Variants in GGNBP2 observed in about 807,000 individuals in gnomAD.
GGNBP2 encodes gametogenetin-binding protein 2.
GGNBP2 carries 10 observed loss-of-function variants against 85.9 expected under a neutral mutation model. The observed-to-expected ratio is 0.12, with a 90% CI of 0.07 to 0.20. The LOEUF is 0.20. Among genes scored for constraint, GGNBP2 ranks in the 10% least tolerant of loss-of-function variants. GGNBP2 has a pLI of 1.00. For missense variants in GGNBP2, 595 were observed against 857.8 expected, an observed-to-expected ratio of 0.69 and a Z score of 3.83; for synonymous variants, 287 against 285.7, an observed-to-expected ratio of 1.00 and a Z score of -0.05.
chr17:36,586,344 G>A (rs775008851), intron 12 of GGNBP2, 146 bp downstream of exon 12: 42 of 937,538 alleles, frequency 4.5e-5, no homozygotes, highest in Non-Finnish European at 5.1e-5. Flanking sequence ...GGTGCTCATC[G>A]TGTGAGAGTG....
intron 2 of GGNBP2, chr17:36,546,063 T>C: frequency 2.1e-6 from 1 of 482,836 alleles, no homozygotes; most frequent in South Asian, 3.7e-5. Context: ...TGGAACCTTA[T>C]TCCTTGACCC....
chr17:36,574,184 T>C (rs2142755248), intron 6 of GGNBP2, among the ~76,000 whole-genome samples: 1 of 152,274 alleles, frequency 6.6e-6, no homozygotes, highest in South Asian at 2.1e-4. Flanking sequence ...AGTGGGCCCG[T>C]AAGATTATAA....
At chr17:36,589,137 A>T in intron 13 of GGNBP2, 71 bp from the exon 14 acceptor site, 2 of 1,065,594 alleles carry the variant, frequency 1.9e-6, no homozygotes, top group Non-Finnish European at 2.8e-6. Context: ...TTTAATTTTT[A>T]GCTGTCCTCC....
intron 3 of GGNBP2, 59 bp from the exon 4 acceptor site, chr17:36,557,024 G>A (rs1180666588): frequency 4.4e-5 from 71 of 1,599,082 alleles, no homozygotes; most frequent in Middle Eastern, 3.3e-4. Context: ...CAGTAGTAGT[G>A]AAAGTGTAAT....
At chr17:36,547,259 T>C (rs1261979534) in intron 2 of GGNBP2, 1 of 152,218 alleles carries the variant, frequency 6.6e-6, no homozygotes, top group African/African-American at 2.4e-5. Context: ...CATTTGTTGA[T>C]ATTTTCTTTC....
chr17:36,560,165 C>G (rs1414412579), intron 4 of GGNBP2, among the ~76,000 whole-genome samples: 1 of 151,960 alleles, frequency 6.6e-6, no homozygotes, highest in Non-Finnish European at 1.5e-5. Context: ...GCTATGTTAC[C>G]CAGGCTGGCT....
intron 2 of GGNBP2, among the ~76,000 whole-genome samples, chr17:36,551,393 A>G (rs1042925126): frequency 6.6e-6 from 1 of 151,844 alleles, no homozygotes; most frequent in Non-Finnish European, 1.5e-5. Flanking sequence ...TAGTACAGAC[A>G]GGGTTTCTCC....
intron 5 of GGNBP2, among the ~76,000 whole-genome samples, chr17:36,562,751 G>A (rs1030579385): frequency 2.6e-5 from 4 of 151,006 alleles, no homozygotes; most frequent in Admixed American, 2.6e-4. Context: ...CAGATCACAA[G>A]GTCAGGAGTT....
chr17:36,575,048 A>G lies in GGNBP2; in HGVS notation c.642-2935A>G, dbSNP rs1555607475. 4 of 1,353,856 alleles carry G rather than the reference A, an allele frequency of 3.0e-6. No individual in the cohort carries two copies. In the East Asian group the frequency reaches 9.5e-5, roughly 32 times the overall value. The allele number at this position is 1,353,856 out of a possible 1,614,324, so 83.9% of individuals were successfully genotyped here. A position where few individuals can be genotyped will look rare whatever the true frequency, so the allele number is the denominator to read the frequency against. ...AACCTCGTCCTTGAGAGAGGCCCCCAGGAAAAAGTTAGTGATCTCAGATTC... is the reference window on the plus strand; with the variant it reads ...AACCTCGTCCTTGAGAGAGGCCCCCGGGAAAAAGTTAGTGATCTCAGATTC... On this transcript the variant is annotated intron_variant, in intron 6 of 13. Coordinates refer to ENST00000613102, the MANE Select transcript of GGNBP2 (RefSeq NM_024835.5).
intron 13 of GGNBP2, among the ~76,000 whole-genome samples, chr17:36,588,659 G>A (rs943199543): frequency 2.0e-5 from 3 of 151,606 alleles, no homozygotes; most frequent in Non-Finnish European, 4.4e-5. Flanking sequence ...GAGTGCAGTG[G>A]CACGATCTTG....
chr17:36,579,534 G>A, intron 8 of GGNBP2, 115 bp downstream of exon 8: 1 of 839,512 alleles, frequency 1.2e-6, no homozygotes, highest in Admixed American at 2.5e-5. Flanking sequence ...AGAGCTTCAT[G>A]GATTTGGCTG....
At chr17:36,584,116 AGTT>A (rs1378895589) in intron 9 of GGNBP2, among the ~76,000 whole-genome samples, 1 of 152,230 alleles carries the variant, frequency 6.6e-6, no homozygotes, top group Non-Finnish European at 1.5e-5. Flanking sequence ...CATTGACAAC[AGTT>A]GTTGTTCATT....
At chr17:36,554,775 T>C (rs781590045) in intron 2 of GGNBP2, 45 bp from the exon 3 acceptor site, 1 of 1,181,482 alleles carries the variant, frequency 8.5e-7, no homozygotes, top group Non-Finnish European at 1.3e-6. Context: ...TATCCTGTTC[T>C]CAGAGGGGTA....
At chr17:36,577,282 C>T (rs1465109614) in intron 6 of GGNBP2, 1 of 152,186 alleles carries the variant, frequency 6.6e-6, no homozygotes, top group African/African-American at 2.4e-5. Context: ...TCCTTCTCTA[C>T]ATTCACAAAC....
intron 6 of GGNBP2, among the ~76,000 whole-genome samples, chr17:36,575,637 TATATATATA>T (rs1303239499): frequency 0.23 from 16,378 of 72,598 alleles, 1,935 homozygotes; most frequent in Non-Finnish European, 0.28. Flanking sequence ...TATATATATA[TATATATATA>T]TATTTTTTTT....
intron 9 of GGNBP2, among the ~76,000 whole-genome samples, chr17:36,583,008 T>A (rs2142781437): frequency 6.6e-6 from 1 of 152,362 alleles, no homozygotes; most frequent in South Asian, 2.1e-4. Flanking sequence ...TTATACTATA[T>A]ATATTTTTTG....
chr17:36,544,969 G>A lies in GGNBP2; in HGVS notation c.-235G>A, dbSNP rs2074233885. ...CTGCCCGTAGAGGAAACGACATTCG[G>A]AGCTGCGCTCCCGCCCACGCCGGCC... is the stretch of plus-strand genomic sequence containing the variant. On this transcript the variant is annotated 5_prime_UTR_variant, in exon 1 of 14. Transcript: ENST00000613102. 1 of 152,248 alleles carries A rather than the reference G, an allele frequency of 6.6e-6. No individual in the cohort carries two copies. The highest frequency in any genetic ancestry group is 1.5e-5 in the Non-Finnish European group (1 of 67,930). 9.4% of individuals were successfully genotyped at this position (152,248 alleles called of 1,614,324 possible).
At chr17:36,566,207 C>T (rs536967059) in intron 5 of GGNBP2, among the ~76,000 whole-genome samples, 4 of 152,306 alleles carry the variant, frequency 2.6e-5, no homozygotes, top group African/African-American at 7.2e-5. Flanking sequence ...CATGAAAAAT[C>T]AAGAAGGCTG....
At chr17:36,562,567 G>A (rs1237117933) in intron 5 of GGNBP2, among the ~76,000 whole-genome samples, 1 of 138,464 alleles carries the variant, frequency 7.2e-6, no homozygotes, top group East Asian at 2.1e-4. Flanking sequence ...CACCATTATT[G>A]TATAGACATT....
Sources: gnomAD v4.1 joint callset for allele counts (sites outside exome capture counted in the v4.1 genomes callset) on GRCh38, gnomAD v4.1.1 for gene constraint, MANE v1.5 for transcripts, NCBI Gene and HGNC (gene_info 2026-07-23, HGNC 2026-07-21) for gene names.